The following BCAS2 variants were observed in gnomAD, a reference collection of about 807,000 sequenced individuals.
The protein encoded by BCAS2 is pre-mRNA-splicing factor SPF27.
Under a neutral mutation model 35.3 loss-of-function variants are expected in BCAS2, and 34 were observed. The observed-to-expected ratio is 0.96, with a 90% CI of 0.73 to 1.28. The LOEUF is 1.28. Ranked by LOEUF, BCAS2 falls within the 50% of genes most tolerant of loss-of-function variation. BCAS2 has a pLI of 0.00. For synonymous variants in BCAS2, 75 were observed against 91.6 expected, an observed-to-expected ratio of 0.82 and a Z score of 1.03; for missense variants, 221 against 268.1, an observed-to-expected ratio of 0.82 and a Z score of 1.23.
chr1:114,576,452 A>C (rs1372094559), intron 3 of BCAS2, among the ~76,000 whole-genome samples: 1 of 147,478 alleles, frequency 6.8e-6, no homozygotes, highest in East Asian at 2.1e-4. Context: ...TATTATTATT[A>C]TTATTAATTA....
intron 2 of BCAS2, among the ~76,000 whole-genome samples, chr1:114,576,975 G>C (rs1162271786): frequency 6.6e-6 from 1 of 152,058 alleles, no homozygotes; most frequent in African/African-American, 2.4e-5. Context: ...GTATTAAGGA[G>C]CCCACAGAGA....
chr1:114,578,303 A>G (rs1337053392), intron 2 of BCAS2, among the ~76,000 whole-genome samples: 3 of 152,152 alleles, frequency 2.0e-5, no homozygotes, highest in Non-Finnish European at 4.4e-5. Context: ...ATTACACACA[A>G]TCTTAAGAAA....
intron 2 of BCAS2, among the ~76,000 whole-genome samples, chr1:114,578,518 C>T (rs1448426391): frequency 6.6e-6 from 1 of 152,212 alleles, no homozygotes; most frequent in African/African-American, 2.4e-5. Context: ...TTTAGCTCAT[C>T]TCTCTCCAAA....
At chr1:114,571,545 GAC>G (rs1347814741) in intron 4 of BCAS2, among the ~76,000 whole-genome samples, 15 of 152,090 alleles carry the variant, frequency 9.9e-5, no homozygotes, top group African/African-American at 3.4e-4. Flanking sequence ...TTTTTGTAGA[GAC>G]AGGGTTTCAC....
Position 114,581,299 on chromosome 1 carries a change from T to C in BCAS2, c.186A>G (p.Glu62=), listed in dbSNP as rs754705112. The C allele has an allele frequency of 5.0e-5, 80 of 1,614,002 alleles. No individual in the cohort carries two copies. The highest frequency in any genetic ancestry group is 6.8e-5 in the Non-Finnish European group (80 of 1,179,966). Residue 62 remains glutamate (E), a splice_region_variant and synonymous_variant, in exon 2 of 7, where the codon GAA becomes GAG. Transcript: ENST00000369541. Reference sequence around the variant, plus strand: ...ACACCTAGGCTCAAGACATACTTACTTCAAAGGCAGAATAATCCGGGGCTG... The same window carrying C: ...ACACCTAGGCTCAAGACATACTTACCTCAAAGGCAGAATAATCCGGGGCTG... The part of the protein sequence containing the change: ...YLTAPDYSAF[E]TDIMRNEFER...
intron 2 of BCAS2, 84 bp from the exon 3 acceptor site, chr1:114,576,842 C>T (rs1654780009): frequency 8.2e-6 from 8 of 972,956 alleles, no homozygotes; most frequent in Admixed American, 4.2e-5. Context: ...ATTTAAGCTA[C>T]ACTACCCATT....
intron 4 of BCAS2, among the ~76,000 whole-genome samples, chr1:114,574,699 A>G (rs1654718296): frequency 6.6e-6 from 1 of 152,200 alleles, no homozygotes; most frequent in South Asian, 2.1e-4. Context: ...TTGTTACAAT[A>G]TTATACAATA....
In BCAS2 at chr1:114,568,281, A is replaced by G. The variant is rs771122277; in HGVS notation, c.552-25T>C. 1.8e-5 allele frequency: 29 copies of G among 1,605,542 alleles called. No individual in the cohort carries two copies. The Admixed American group carries it at 4.0e-4, about 22-fold the overall frequency. ...ACTAGAATGGGGGGGAAGAAAAGAA[A>G]AAAATTACTCAATGTAAAACTTCTC... On this transcript the variant is annotated intron_variant, in intron 6 of 6. Transcript: ENST00000369541.
chr1:114,571,752 T>C (rs535870904), intron 4 of BCAS2, among the ~76,000 whole-genome samples: 2 of 152,216 alleles, frequency 1.3e-5, no homozygotes, highest in Non-Finnish European at 2.9e-5. Flanking sequence ...TTTATCTCTA[T>C]ATTTCTGCAT....
Position 114,581,596 on chromosome 1 carries a change from A to G in BCAS2, c.-5T>C. ...CACCAAACCTGTGCCCGCCATTCTG[A>G]GGACCTCAGGTTTGCCTGCGTTTTC... is the stretch of plus-strand genomic sequence containing the variant. On this transcript the variant is annotated 5_prime_UTR_variant, in exon 1 of 7. Transcript: ENST00000369541. 6.2e-7 allele frequency: 1 copy of G among 1,613,088 alleles called. No homozygotes were observed. Among genetic ancestry groups the G allele is most frequent in the Non-Finnish European group, 8.5e-7 (1 of 1,180,014 alleles).
intron 2 of BCAS2, among the ~76,000 whole-genome samples, chr1:114,578,278 AG>A (rs1557932744): frequency 1.3e-5 from 2 of 152,200 alleles, no homozygotes; most frequent in African/African-American, 4.8e-5. Flanking sequence ...AGTATTTTGC[AG>A]GGGCTACTGC....
At position 114,581,215 on chromosome 1, in the gene BCAS2, G is replaced by A. The variant is rs574369444; in HGVS notation, c.186+84C>T. The A allele has an allele frequency of 2.2e-5, 31 of 1,413,568 alleles. No individual in the cohort carries two copies. The African/African-American group carries it at 3.7e-4, about 17-fold the overall frequency. 87.6% of individuals were successfully genotyped at this position (1,413,568 alleles called of 1,614,324 possible). A position where few individuals can be genotyped will look rare whatever the true frequency, so the allele number is the denominator to read the frequency against. On this transcript the variant is annotated intron_variant, in intron 2 of 6. Transcript: ENST00000369541. ...GTAAGTAGTAGCTATGCAGGCAATG[G>A]TTAAAACTGGAATTTAAAGCTCTCA...
chr1:114,571,633 C>T (rs1350852602), intron 4 of BCAS2, among the ~76,000 whole-genome samples: 1 of 152,202 alleles, frequency 6.6e-6, no homozygotes, highest in African/African-American at 2.4e-5. Flanking sequence ...GTTGGAATTA[C>T]ATGTGTGAGC....
At chr1:114,573,443 G>A (rs1205771179) in intron 4 of BCAS2, among the ~76,000 whole-genome samples, 2 of 151,732 alleles carry the variant, frequency 1.3e-5, no homozygotes, top group Non-Finnish European at 2.9e-5. Flanking sequence ...ACGTTGCCCA[G>A]GCTGGTCTCA....
chr1:114,581,578 C>T lies in BCAS2; in HGVS notation c.14G>A (p.Gly5Asp). The change falls in exon 1 of 7, where the codon GGT becomes GAT. Residue 5 changes from glycine (G) to aspartate (D), a missense_variant. By Grantham distance (94) the Gly-to-Asp change is moderately conservative (BLOSUM62 -1). Coordinates refer to ENST00000369541, the MANE Select transcript of BCAS2 (RefSeq NM_005872.3). ...CACCACAACCTCTCCAGCCACCAAA[C>T]CTGTGCCCGCCATTCTGAGGACCTC... MAGT[G>D]LVAGEVVVDA... 6.2e-7 allele frequency: 1 copy of T among 1,603,710 alleles called. No individual in the cohort carries two copies. Among genetic ancestry groups the T allele is most frequent in the Non-Finnish European group, 8.5e-7 (1 of 1,174,918 alleles).
intron 3 of BCAS2, among the ~76,000 whole-genome samples, chr1:114,576,247 C>CTATA (rs67885657): frequency 2.4e-3 from 310 of 131,652 alleles, no homozygotes; most frequent in South Asian, 0.014. Context: ...CTCTCTCTCT[C>CTATA]TATATATATA....
intron 2 of BCAS2, among the ~76,000 whole-genome samples, chr1:114,577,807 A>G (rs1434552612): frequency 1.3e-5 from 2 of 152,240 alleles, no homozygotes; most frequent in East Asian, 1.9e-4. Flanking sequence ...CGGTTATTCC[A>G]TGTAATTTTA....
In BCAS2 at chr1:114,576,760, T is replaced by C; in HGVS notation, c.187-2A>G. On this transcript the variant is annotated splice_acceptor_variant, in intron 2 of 6. Coordinates refer to ENST00000369541, the MANE Select transcript of BCAS2 (RefSeq NM_005872.3). LOFTEE classifies it high-confidence loss of function. ...AAATTCATTTCTCATTATGTCAGTC[T>C]GATGTGTAAATCAGAAAAAAGATTT... The C allele has an allele frequency of 6.2e-7, 1 of 1,606,776 alleles. No homozygotes were observed. The highest frequency in any genetic ancestry group is 8.5e-7 in the Non-Finnish European group (1 of 1,176,616).
chr1:114,575,564 C>A (rs985775423), intron 4 of BCAS2, 26 bp downstream of exon 4: 45 of 1,560,226 alleles, frequency 2.9e-5, no homozygotes, highest in Non-Finnish European at 3.9e-5. Flanking sequence ...ACAAAAAAAA[C>A]AGAAGATGAA....
Sources: gnomAD v4.1 joint callset for allele counts (sites outside exome capture counted in the v4.1 genomes callset) on GRCh38, gnomAD v4.1.1 for gene constraint, MANE v1.5 for transcripts, NCBI Gene and HGNC (gene_info 2026-07-23, HGNC 2026-07-21) for gene names.